PRKAR1B: variants seen among roughly 807,000 people sequenced by gnomAD.
PRKAR1B encodes cAMP-dependent protein kinase type I-beta regulatory subunit.
Under a neutral mutation model 46.5 loss-of-function variants are expected in PRKAR1B, and 22 were observed. That is an observed-to-expected ratio of 0.47 (90% CI 0.34 to 0.68). The LOEUF is 0.68. Among genes scored for constraint, PRKAR1B ranks in the 30% least tolerant of loss-of-function variants. The pLI is 0.01. For missense variants in PRKAR1B, 445 were observed against 535.6 expected (o/e 0.83, Z 1.67); for synonymous variants, 259 against 217.7 (o/e 1.19, Z -1.67).
At chr7:596,745 TG>T (rs1033248631) in intron 6 of PRKAR1B, among the ~76,000 whole-genome samples, 11 of 152,234 alleles carry the variant, frequency 7.2e-5, no homozygotes, top group African/African-American at 2.2e-4. Context: ...CACGGGGCTC[TG>T]CTCTGGGGAC....
At chr7:648,305 A>G (rs1477777339) in intron 4 of PRKAR1B, among the ~76,000 whole-genome samples, 1 of 151,918 alleles carries the variant, frequency 6.6e-6, no homozygotes, top group African/African-American at 2.4e-5. Flanking sequence ...TCTTTTAAAC[A>G]TAGCCAATGA....
chr7:583,396 C>CACT (rs1362772922), intron 8 of PRKAR1B, among the ~76,000 whole-genome samples: 80 of 149,582 alleles, frequency 5.3e-4, no homozygotes, highest in East Asian at 2.0e-3. Context: ...CACTCACACC[C>CACT]CCCACACGTG....
chr7:651,518 A>C (rs1459289430), intron 4 of PRKAR1B, among the ~76,000 whole-genome samples: 3 of 151,756 alleles, frequency 2.0e-5, no homozygotes, highest in Non-Finnish European at 4.4e-5. Flanking sequence ...CTGTCAGAAG[A>C]CAGTTCACAC....
chr7:581,974 C>T (rs1780211287), intron 8 of PRKAR1B, among the ~76,000 whole-genome samples: 2 of 152,354 alleles, frequency 1.3e-5, no homozygotes, highest in Admixed American at 6.5e-5. Flanking sequence ...CCACCTCAGC[C>T]TCCCAAGTAG....
At chr7:728,024 A>G (rs1428296733), upstream of PRKAR1B, among the ~76,000 whole-genome samples, 1 of 151,704 alleles carries the variant, frequency 6.6e-6, no homozygotes, top group Non-Finnish European at 1.5e-5. Context: ...TTTCTGTCCC[A>G]TTCATCCTAC....
rs1781717091 is a variant in PRKAR1B at position 602,835 on chromosome 7, T to C, written c.549+3358A>G. ...GAGCTCTGTTCGTTTTTCTGAGTAA[T>C]ATGGAAATGGCACGGCTCAGCCACA... is the stretch of plus-strand genomic sequence containing the variant. On this transcript the variant is annotated intron_variant, in intron 6 of 10. Coordinates refer to ENST00000537384, the MANE Select transcript of PRKAR1B (RefSeq NM_001164760.2). This position sits in a 1 kb window ranked among gnomAD's most constrained non-coding sequence, Gnocchi z 6.4. Among the ~76,000 whole-genome samples the C allele has an allele frequency of 6.6e-6, 1 of 151,994 alleles. No homozygotes were observed.
intron 4 of PRKAR1B, among the ~76,000 whole-genome samples, chr7:640,008 A>C (rs375474558): frequency 6.6e-6 from 1 of 151,584 alleles, no homozygotes; most frequent in African/African-American, 2.4e-5. Context: ...ACTAAAAATA[A>C]AAAAGTTAGC....
rs745880306 is a variant in PRKAR1B, at chr7:711,341, C to T, written c.165G>A (p.Glu55=). 3.7e-6 allele frequency: 6 copies of T among 1,614,158 alleles called. No individual in the cohort carries two copies. Among genetic ancestry groups the T allele is most frequent in the Non-Finnish European group, 5.1e-6 (6 of 1,179,994 alleles). ...GGGGGCCACTCACCTTCTCCAGCTT[C>T]TCGAAGTGCTCCCGGAGGAACTTCA... ...RPMKFLREHF[E]KLEKEENRQI... Residue 55 remains glutamate, a synonymous_variant, in exon 2 of 11, where the codon GAG becomes GAA. Coordinates refer to ENST00000537384, the MANE Select transcript of PRKAR1B (RefSeq NM_001164760.2).
chr7:709,165 G>A (rs1322895547), intron 2 of PRKAR1B, among the ~76,000 whole-genome samples: 5 of 147,592 alleles, frequency 3.4e-5, no homozygotes, highest in South Asian at 2.1e-4. Flanking sequence ...ATTCACTCAC[G>A]GAGGAAAGGT....
At chr7:694,952 CT>C (rs1779646603) in intron 2 of PRKAR1B, among the ~76,000 whole-genome samples, 2 of 151,366 alleles carry the variant, frequency 1.3e-5, no homozygotes, top group Non-Finnish European at 2.9e-5. Flanking sequence ...AGGAGAATCG[CT>C]TGAACCCAGG....
Position 560,674 on chromosome 7 carries a change from G to C in PRKAR1B, c.892-9204C>G, listed in dbSNP as rs952773425. On this transcript the variant is annotated intron_variant, in intron 9 of 10. Coordinates refer to ENST00000537384, the MANE Select transcript of PRKAR1B (RefSeq NM_001164760.2). The surrounding 1 kb of genome is among the most constrained non-coding windows in gnomAD (Gnocchi z 4.2). Reference sequence around the variant, plus strand: ...CAATGCACCAGCCAGTCTCAGGCAAGGCCCATAGCTGCTCCAGCCTCAGCT... The same window carrying C: ...CAATGCACCAGCCAGTCTCAGGCAACGCCCATAGCTGCTCCAGCCTCAGCT... 6.6e-6 allele frequency among the ~76,000 whole-genome samples: 1 copy of C among 152,172 alleles called. No individual in the cohort carries two copies. The highest frequency in any genetic ancestry group is 2.4e-5 in the African/African-American group (1 of 41,410).
At chr7:606,311 C>G in intron 5 of PRKAR1B, 72 bp from the exon 6 acceptor site, 1 of 1,470,464 alleles carries the variant, frequency 6.8e-7, no homozygotes. Flanking sequence ...CTCTTGCAAA[C>G]GACTTTCGCA....
intron 4 of PRKAR1B, among the ~76,000 whole-genome samples, chr7:643,883 A>G (rs951752328): frequency 2.0e-5 from 3 of 152,106 alleles, no homozygotes; most frequent in Non-Finnish European, 4.4e-5. Flanking sequence ...TGGCACCTCC[A>G]TATTATCCAA....
chr7:652,062 G>A (rs1784929632), intron 4 of PRKAR1B, among the ~76,000 whole-genome samples: 2 of 105,382 alleles, frequency 1.9e-5, no homozygotes, highest in Non-Finnish European at 1.9e-5. Flanking sequence ...GGAACCTGGG[G>A]AAACCCCTCT....
Position 634,771 on chromosome 7 carries a change from C to T in PRKAR1B, c.441-27319G>A, listed in dbSNP as rs570417123. On this transcript the variant is annotated intron_variant, in intron 4 of 10. Transcript: ENST00000537384. Reference sequence around the variant, plus strand: ...TCCCCTGCCTCAGCCTCCCGAGTAGCTGGGATTACAGGCACCCGCCACCAT... The same window carrying T: ...TCCCCTGCCTCAGCCTCCCGAGTAGTTGGGATTACAGGCACCCGCCACCAT... Among the ~76,000 whole-genome samples the T allele has an allele frequency of 2.8e-3, 425 of 152,006 alleles. 2 individuals carry two copies. Among genetic ancestry groups the T allele is most frequent in the Middle Eastern group, 0.01 (3 of 292 alleles).
chr7:557,698 C>A (rs551787831), intron 9 of PRKAR1B, among the ~76,000 whole-genome samples: 4 of 152,204 alleles, frequency 2.6e-5, no homozygotes, highest in Admixed American at 1.3e-4. Context: ...TTGAGACGCA[C>A]CACGGTCTCT....
intron 8 of PRKAR1B, among the ~76,000 whole-genome samples, chr7:583,467 GCA>G (rs1372628591): frequency 1.4e-5 from 2 of 138,816 alleles, no homozygotes; most frequent in African/African-American, 5.5e-5. Context: ...TCACACACGT[GCA>G]CTCACACCCA....
At chr7:623,511 A>G (rs1783220657) in intron 4 of PRKAR1B, among the ~76,000 whole-genome samples, 1 of 152,204 alleles carries the variant, frequency 6.6e-6, no homozygotes. Context: ...TCAGTGTCTG[A>G]TCAGGCTCCT....
At chr7:626,502 C>CA (rs1396022038) in intron 4 of PRKAR1B, among the ~76,000 whole-genome samples, 1 of 151,738 alleles carries the variant, frequency 6.6e-6, no homozygotes, top group Non-Finnish European at 1.5e-5. Flanking sequence ...CTCTCAGAAA[C>CA]AAAAAACAAA....
Sources: gnomAD v4.1 joint callset for allele counts (sites outside exome capture counted in the v4.1 genomes callset) on GRCh38, gnomAD v4.1.1 for gene constraint, Gnocchi (gnomAD v3.1) non-coding constraint, MANE v1.5 for transcripts, NCBI Gene and HGNC (gene_info 2026-07-23, HGNC 2026-07-21) for gene names.